STARD9: variants seen among roughly 807,000 people sequenced by gnomAD.
STARD9 encodes the protein StAR related lipid transfer domain containing 9, also known as stAR-related lipid transfer protein 9.
STARD9 carries 346 observed loss-of-function variants against 399.8 expected under a neutral mutation model. The observed-to-expected ratio is 0.87, with a 90% confidence interval of 0.79 to 0.95. STARD9 has a LOEUF of 0.95. STARD9 is among the 40% of genes least tolerant of loss of function. The probability of loss-of-function intolerance (pLI) is 0.00; values close to 1 mark genes in which losing one functional copy is unlikely to be tolerated. For missense variants in STARD9, 5,832 were observed against 5,667.5 expected (o/e 1.03, Z -0.93); for synonymous variants, 2,203 against 2,143.5 (o/e 1.03, Z -0.77).
chr15:42,677,783 G>A (rs1417692599), intron 20 of STARD9, among the ~76,000 whole-genome samples: 1 of 152,194 alleles, frequency 6.6e-6, no homozygotes, highest in Non-Finnish European at 1.5e-5. Flanking sequence ...GAAAGAGCGA[G>A]TATATATGCA....
In STARD9 at chr15:42,692,510, CCTCGGCAGCAGGCGCCA is replaced by C. The variant is rs766466285; in HGVS notation, c.10935_10951del (p.Gly3646GlufsTer4). 4.6e-6 allele frequency: 7 copies of C among 1,537,168 alleles called. No individual in the cohort carries two copies. In the African/African-American group the frequency reaches 6.8e-5, roughly 15 times the overall value. On this transcript the variant is annotated frameshift_variant, in exon 23 of 33. Transcript: ENST00000290607. LOFTEE classifies it high-confidence loss of function. Reference sequence around the variant, plus strand: ...ACACATTCGAACAGGGCACACAGACCCTCGGCAGCAGGCGCCACTGGAGCAGCACTGACATCTCCTTT... The same window carrying C: ...ACACATTCGAACAGGGCACACAGACCCTGGAGCAGCACTGACATCTCCTTT...
Position 42,687,851 on chromosome 15 carries a change from G to T in STARD9, c.6273G>T (p.Glu2091Asp). ...DKELVFQDQK[E>D]QEKTDHAFRP... ...AGTTGGTGTTCCAGGACCAGAAGGA[G>T]CAGGAGAAGACTGACCATGCCTTTA... The change falls in exon 23 of 33, where the codon GAG (glutamate) becomes GAT (aspartate). Residue 2091 changes from glutamate to aspartate, a missense_variant. Around this residue, in one of 2 missense-constraint regions of STARD9, gnomAD observed 5,828 missense variants for 5,651.1 expected, o/e 1.03. Coordinates refer to ENST00000290607, the MANE Select transcript of STARD9 (RefSeq NM_020759.3). The T allele has an allele frequency of 1.3e-6, 2 of 1,537,276 alleles. No homozygotes were observed. Among genetic ancestry groups the T allele is most frequent in the Non-Finnish European group, 1.7e-6 (2 of 1,146,964 alleles).
intron 8 of STARD9, among the ~76,000 whole-genome samples, chr15:42,651,476 A>C (rs962855239): frequency 3.9e-5 from 6 of 152,182 alleles, no homozygotes; most frequent in Middle Eastern, 3.2e-3. Flanking sequence ...CTAGTTTTGC[A>C]TACTTATAAG....
chr15:42,576,675 T>A (rs2058063606), intron 1 of STARD9, among the ~76,000 whole-genome samples: 1 of 152,158 alleles, frequency 6.6e-6, no homozygotes, highest in South Asian at 2.1e-4. Flanking sequence ...TTGGCAAGTT[T>A]AAAAATCTCT....
At chr15:42,702,391 A>G (rs1232171992) in intron 26 of STARD9, among the ~76,000 whole-genome samples, 3 of 151,966 alleles carry the variant, frequency 2.0e-5, no homozygotes, top group Non-Finnish European at 4.4e-5. Flanking sequence ...TTTAGTAGAG[A>G]CGGGGTTTCG....
intron 7 of STARD9, among the ~76,000 whole-genome samples, chr15:42,643,182 T>C (rs908159650): frequency 5.9e-5 from 9 of 152,118 alleles, no homozygotes; most frequent in Admixed American, 1.3e-4. Context: ...TTTATCAAAG[T>C]TACCCTTTTA....
At chr15:42,675,564 T>C (rs1299461972) in intron 18 of STARD9, 100 bp from the exon 19 acceptor site, 2 of 867,098 alleles carry the variant, frequency 2.3e-6, no homozygotes, top group Non-Finnish European at 3.6e-6. Flanking sequence ...TTATCAGTTA[T>C]CGAGGGCATG....
intron 26 of STARD9, among the ~76,000 whole-genome samples, chr15:42,700,254 A>C (rs1460544755): frequency 1.3e-5 from 2 of 150,162 alleles, no homozygotes; most frequent in Non-Finnish European, 3.0e-5. Flanking sequence ...GAGTGTAGAT[A>C]TCTCTTTGAC....
intron 12 of STARD9, 88 bp from the exon 13 acceptor site, chr15:42,663,732 T>C (rs1164685247): frequency 2.9e-6 from 3 of 1,045,110 alleles, no homozygotes; most frequent in South Asian, 2.7e-5. Flanking sequence ...AGGGGTCTTA[T>C]ACAGCATGGG....
chr15:42,650,910 G>T, intron 7 of STARD9, 106 bp from the exon 8 acceptor site: 4 of 697,030 alleles, frequency 5.7e-6, no homozygotes, highest in Non-Finnish European at 8.9e-6. Context: ...CCTCATTTTT[G>T]TCTATTAAAC....
intron 32 of STARD9, 44 bp from the exon 33 acceptor site, chr15:42,719,429 C>G: frequency 7.5e-7 from 1 of 1,332,044 alleles, no homozygotes; most frequent in Non-Finnish European, 1.0e-6. Context: ...CTGGCATTCT[C>G]TCAAATCTAT....
Position 42,690,563 on chromosome 15 carries a change from C to A in STARD9, c.8985C>A (p.His2995Gln). The A allele has an allele frequency of 6.5e-7, 1 of 1,537,152 alleles. No individual in the cohort carries two copies. The highest frequency in any genetic ancestry group is 8.7e-7 in the Non-Finnish European group (1 of 1,146,864). The stretch of plus-strand genomic sequence containing the variant: ...TCAAGGCTGCCCCACATACTATCCA[C>A]CCACCCTGTGTAGTACCTTCCAGGG... ...EPFKAAPHTI[H>Q]PPCVVPSRAY... The change falls in exon 23 of 33, where the codon CAC becomes CAA. Residue 2995 changes from histidine (H) to glutamine (Q), a missense_variant. Physicochemically the swap from His to Gln is conservative, Grantham distance 24. This residue lies in a region of STARD9 where 5,828 missense variants were observed against 5,651.1 expected (regional missense o/e 1.03). Transcript: ENST00000290607.
At chr15:42,710,909 C>T (rs999815884) in intron 26 of STARD9, among the ~76,000 whole-genome samples, 5 of 132,068 alleles carry the variant, frequency 3.8e-5, no homozygotes, top group East Asian at 2.0e-4. Context: ...CTCTCTCTCT[C>T]TCTCTGTGTG....
chr15:42,711,247 C>A (rs2061215636), intron 26 of STARD9, among the ~76,000 whole-genome samples: 1 of 151,540 alleles, frequency 6.6e-6, no homozygotes, highest in Admixed American at 6.6e-5. Flanking sequence ...TCAAGCAATT[C>A]TCCTGCCTCA....
Position 42,693,288 on chromosome 15 carries a change from CTT to C in STARD9, c.11711_11712del (p.Leu3904GlnfsTer25). Reference sequence around the variant, plus strand: ...CAGGGCCTCCTCCCCAATCCTCACTCTTAGTGCCAGCACCCAAGAGCCGGGTC... The same window carrying C: ...CAGGGCCTCCTCCCCAATCCTCACTCAGTGCCAGCACCCAAGAGCCGGGTC... ...VDRASSPILT[L>X]SASTQEPGLS... On this transcript the variant is annotated frameshift_variant, in exon 23 of 33. Transcript: ENST00000290607. LOFTEE classifies it high-confidence loss of function. 6 of 1,537,136 alleles carry C rather than the reference CTT, an allele frequency of 3.9e-6. No individual in the cohort carries two copies. Among genetic ancestry groups the C allele is most frequent in the Non-Finnish European group, 5.2e-6 (6 of 1,146,894 alleles).
chr15:42,676,527 T>C (rs2060315407), intron 20 of STARD9, among the ~76,000 whole-genome samples: 1 of 152,230 alleles, frequency 6.6e-6, no homozygotes, highest in Admixed American at 6.5e-5. Flanking sequence ...AAAATATCTT[T>C]TGGTTCTACC....
intron 22 of STARD9, 113 bp from the exon 23 acceptor site, chr15:42,684,003 C>G (rs760872077): frequency 2.5e-6 from 3 of 1,195,480 alleles, no homozygotes; most frequent in Non-Finnish European, 3.4e-6. Flanking sequence ...GAGCTTTTCT[C>G]TGGGTCTGAA....
chr15:42,658,577 G>C (rs376989055), intron 9 of STARD9, among the ~76,000 whole-genome samples: 4 of 151,636 alleles, frequency 2.6e-5, no homozygotes, highest in African/African-American at 9.7e-5. Flanking sequence ...CCACCTCCCG[G>C]GTTCAAGTGA....
intron 21 of STARD9, 86 bp from the exon 22 acceptor site, chr15:42,682,018 A>G (rs1456428652): frequency 7.7e-6 from 7 of 905,662 alleles, no homozygotes; most frequent in Admixed American, 4.8e-5. Flanking sequence ...ACACAGGTCC[A>G]GCCATGGCTG....
Sources: allele counts gnomAD v4.1 joint callset (sites outside exome capture counted in the v4.1 genomes callset), GRCh38; gene constraint gnomAD v4.1.1; regional missense constraint gnomAD v4.1.1; transcripts MANE v1.5; gene names NCBI Gene and HGNC (gene_info 2026-07-23, HGNC 2026-07-21).